Variants in IL21R observed in about 807,000 individuals in gnomAD.
IL21R encodes the protein interleukin 21 receptor.
IL21R carries 14 observed loss-of-function variants against 41.3 expected under a neutral mutation model. That is an observed-to-expected ratio of 0.34 (90% CI 0.22 to 0.53). IL21R has a LOEUF of 0.53. Among genes scored for constraint, IL21R ranks in the 20% least tolerant of loss-of-function variants. The pLI, the probability that IL21R is intolerant of heterozygous loss-of-function variation, is 0.94. For missense variants in IL21R, 588 were observed against 681.6 expected (o/e 0.86, Z 1.53); for synonymous variants, 286 against 287.6 (o/e 0.99, Z 0.05).
intron 1 of IL21R, among the ~76,000 whole-genome samples, chr16:27,412,583 A>G (rs1296311582): frequency 6.6e-6 from 1 of 152,052 alleles, no homozygotes; most frequent in African/African-American, 2.4e-5. Context: ...TGTGAGTAGT[A>G]TTGTCATCTT....
Position 27,403,064 on chromosome 16 carries a change from T to A in IL21R, c.-17+446T>A, listed in dbSNP as rs1596560333. 4 of 494,490 alleles carry A rather than the reference T, an allele frequency of 8.1e-6. No homozygotes were observed. The East Asian group carries it at 1.8e-4, about 22-fold the overall frequency. 30.6% of individuals were successfully genotyped at this position (494,490 alleles called of 1,614,324 possible). A position where few individuals can be genotyped will look rare whatever the true frequency, so the allele number is the denominator to read the frequency against. On this transcript the variant is annotated intron_variant, in intron 1 of 8. Coordinates refer to ENST00000337929, the MANE Select transcript of IL21R (RefSeq NM_181078.3). ...CCCAGTCATTCAAAACAATGGCTGG[T>A]GTGCCCATTTCGCAGATGAGGCAAT...
rs567298311 is a variant in IL21R at position 27,425,716 on chromosome 16, C to T, written c.-16-4340C>T. Among the ~76,000 whole-genome samples the T allele has an allele frequency of 1.1e-3, 168 of 152,116 alleles. 3 individuals are homozygous for T. Among genetic ancestry groups the T allele is most frequent in the African/African-American group, 3.6e-3 (150 of 41,480 alleles). On this transcript the variant is annotated intron_variant, in intron 1 of 8. Coordinates refer to ENST00000337929, the MANE Select transcript of IL21R (RefSeq NM_181078.3). ...GATTATAGGCACACACCATCACACCCGGCTAATTTTTGTATTTTTAGTAGA... is the reference window on the plus strand; with the variant it reads ...GATTATAGGCACACACCATCACACCTGGCTAATTTTTGTATTTTTAGTAGA...
intron 2 of IL21R, among the ~76,000 whole-genome samples, chr16:27,433,951 G>C (rs928583998): frequency 1.3e-5 from 2 of 152,124 alleles, no homozygotes; most frequent in Non-Finnish European, 2.9e-5. Context: ...GGGTGTGTGC[G>C]TGTGCTCTGG....
rs776008613 is a variant in IL21R at position 27,449,068 on chromosome 16, C to T, written c.1402C>T (p.Arg468Trp). 16 of 1,612,690 alleles carry T rather than the reference C, an allele frequency of 9.9e-6. No homozygotes were observed. Among genetic ancestry groups the T allele is most frequent in the Middle Eastern group, 1.6e-4 (1 of 6,082 alleles). ...DWAGGLPWGGRSPGGVSESEA... is the reference protein window; with the variant it reads ...DWAGGLPWGGWSPGGVSESEA... ...GGCTGGGGGACTGCCCTGGGGTGGC[C>T]GGTCACCTGGAGGGGTCTCAGAGAG... The change falls in exon 9 of 9, where the codon CGG becomes TGG. Residue 468 changes from arginine (R) to tryptophan (W), a missense_variant. By Grantham distance (101) the Arg-to-Trp change is moderately radical. Transcript: ENST00000337929.
rs750012669 is a variant in IL21R, at chr16:27,450,648, G to A, written c.*1365G>A. The stretch of plus-strand genomic sequence containing the variant: ...CGCCCAGGCTGGAATGCAGTGGTGC[G>A]ATCTCGGCTCTCTGCAACCTCTGTC... On this transcript the variant is annotated 3_prime_UTR_variant, in exon 9 of 9. Transcript: ENST00000337929. The A allele has an allele frequency of 1.8e-5, 4 of 218,558 alleles. No individual in the cohort carries two copies. Among genetic ancestry groups the A allele is most frequent in the African/African-American group, 6.8e-5 (3 of 44,096 alleles). The allele number at this position is 218,558 out of a possible 1,614,324, so 13.5% of individuals were successfully genotyped here. A position where few individuals can be genotyped will look rare whatever the true frequency, so the allele number is the denominator to read the frequency against.
chr16:27,421,368 G>C (rs1356103162), intron 1 of IL21R, among the ~76,000 whole-genome samples: 2 of 147,914 alleles, frequency 1.4e-5, no homozygotes, highest in Admixed American at 6.8e-5. Flanking sequence ...AGAGCCAGCT[G>C]GGATTTTTTA....
chr16:27,405,634 C>T (rs1444352326), intron 1 of IL21R, among the ~76,000 whole-genome samples: 2 of 152,222 alleles, frequency 1.3e-5, no homozygotes, highest in Non-Finnish European at 2.9e-5. Context: ...GCCCTCCTTC[C>T]CTGCCCTCCG....
intron 4 of IL21R, among the ~76,000 whole-genome samples, chr16:27,441,996 A>G (rs903572714): frequency 1.3e-5 from 2 of 152,214 alleles, no homozygotes; most frequent in African/African-American, 4.8e-5. Context: ...TGGGCAACAC[A>G]GTGAGATCCT....
chr16:27,436,160 G>A (rs2087266225), intron 3 of IL21R, among the ~76,000 whole-genome samples: 1 of 152,140 alleles, frequency 6.6e-6, no homozygotes, highest in Non-Finnish European at 1.5e-5. Flanking sequence ...CCCCGGGATG[G>A]CCGGTCTGCC....
intron 1 of IL21R, 68 bp from the exon 2 acceptor site, chr16:27,429,988 A>G: frequency 7.4e-7 from 1 of 1,346,852 alleles, no homozygotes; most frequent in Non-Finnish European, 1.0e-6. Context: ...GGGAAGAGAC[A>G]GGATGAGGGG....
intron 2 of IL21R, among the ~76,000 whole-genome samples, chr16:27,430,351 GC>G (rs1420701067): frequency 6.6e-6 from 1 of 152,222 alleles, no homozygotes; most frequent in Non-Finnish European, 1.5e-5. Context: ...GTCTCAGGTG[GC>G]CCAGCCCACA....
intron 1 of IL21R, chr16:27,403,148 G>A (rs908332699): frequency 1.6e-5 from 18 of 1,102,160 alleles, no homozygotes; most frequent in South Asian, 9.1e-5. Flanking sequence ...GTAGCAGGTC[G>A]GGCAGTCAAG....
chr16:27,450,144 G>A lies in IL21R; in HGVS notation c.*861G>A. ...GTCAGCGACAGCCTGGGCACCCGCG[G>A]GGCCGTCCCGCCTGCAGAGGGCCAC... On this transcript the variant is annotated 3_prime_UTR_variant, in exon 9 of 9. Transcript: ENST00000337929. 4.3e-6 allele frequency: 1 copy of A among 232,994 alleles called. No homozygotes were observed. Among genetic ancestry groups the A allele is most frequent in the Non-Finnish European group, 8.5e-6 (1 of 117,870 alleles). The allele number at this position is 232,994 out of a possible 1,614,324, so 14.4% of individuals were successfully genotyped here. A position where few individuals can be genotyped will look rare whatever the true frequency, so the allele number is the denominator to read the frequency against.
intron 1 of IL21R, among the ~76,000 whole-genome samples, chr16:27,424,266 G>A (rs977748211): frequency 6.6e-6 from 1 of 152,012 alleles, no homozygotes; most frequent in Non-Finnish European, 1.5e-5. Context: ...GTAGAGATGG[G>A]TTTCACCATG....
chr16:27,405,275 T>A (rs1294031263), intron 1 of IL21R, among the ~76,000 whole-genome samples: 1 of 152,176 alleles, frequency 6.6e-6, no homozygotes, highest in Non-Finnish European at 1.5e-5. Flanking sequence ...TCAAGTGATC[T>A]GCCTGTCTCA....
At chr16:27,403,902 CAT>C (rs1488966611) in intron 1 of IL21R, among the ~76,000 whole-genome samples, 1 of 152,182 alleles carries the variant, frequency 6.6e-6, no homozygotes, top group Non-Finnish European at 1.5e-5. Context: ...CGGGCAGCCT[CAT>C]TCAGCCCATT....
At position 27,445,997 on chromosome 16, in the gene IL21R, GC is replaced by G; in HGVS notation, c.786-5del. On this transcript the variant is annotated splice_polypyrimidine_tract_variant and intron_variant, in intron 7 of 8. Transcript: ENST00000337929. The stretch of plus-strand genomic sequence containing the variant: ...GATGTCAGGGTCCTCACCCCTCTCT[GC>G]CCCCTCAGGCTATGGAAGAAGATAT... 6.2e-7 allele frequency: 1 copy of G among 1,607,752 alleles called. No homozygotes were observed.
chr16:27,427,441 G>A, intron 1 of IL21R: 2 of 513,272 alleles, frequency 3.9e-6, no homozygotes, highest in African/African-American at 2.1e-5. Context: ...TTTCATTCAG[G>A]CTGGAGTGCA....
chr16:27,442,496 T>C (rs1483266773), intron 4 of IL21R, among the ~76,000 whole-genome samples: 4 of 152,146 alleles, frequency 2.6e-5, no homozygotes, highest in Non-Finnish European at 5.9e-5. Context: ...CCCGAGTAGA[T>C]GGGACTACAG....
Sources: allele counts gnomAD v4.1 joint callset (sites outside exome capture counted in the v4.1 genomes callset), GRCh38; gene constraint gnomAD v4.1.1; transcripts MANE v1.5; gene names NCBI Gene and HGNC (gene_info 2026-07-23, HGNC 2026-07-21).